The following SLC2A9 variants were observed in gnomAD, a reference collection of about 807,000 sequenced individuals.
The protein encoded by SLC2A9 is solute carrier family 2, facilitated glucose transporter member 9.
Under a neutral mutation model 50.6 loss-of-function variants are expected in SLC2A9, and 39 were observed. The observed-to-expected ratio is 0.77, with a 90% CI of 0.60 to 1.01. The LOEUF (loss-of-function observed/expected upper bound fraction) is 1.01. Among genes scored for constraint, SLC2A9 ranks in the 50% least tolerant of loss-of-function variants. The probability of loss-of-function intolerance (pLI) is 0.00; values close to 1 mark genes in which losing one functional copy is unlikely to be tolerated. For synonymous variants in SLC2A9, 324 were observed against 276.9 expected, an observed-to-expected ratio of 1.17 and a Z score of -1.69; for missense variants, 686 against 677.6, an observed-to-expected ratio of 1.01 and a Z score of -0.14.
rs146224130 is a variant in SLC2A9 at position 9,928,925 on chromosome 4, T to C, written c.815-8353A>G. 2.6e-3 allele frequency among the ~76,000 whole-genome samples: 395 copies of C among 152,338 alleles called. 6 individuals are homozygous for C. The highest frequency in any genetic ancestry group is 9.3e-3 in the African/African-American group (386 of 41,584). On this transcript the variant is annotated intron_variant, in intron 6 of 11. Coordinates refer to ENST00000264784, the MANE Select transcript of SLC2A9 (RefSeq NM_020041.3). ...TCTTACTACTCAGCAAGGACAGTGG[T>C]TGATACTAAGGAAGATGGAAATTCA...
At chr4:9,991,705 G>A (rs1362328973) in intron 3 of SLC2A9, among the ~76,000 whole-genome samples, 1 of 152,206 alleles carries the variant, frequency 6.6e-6, no homozygotes, top group African/African-American at 2.4e-5. Flanking sequence ...GGGATGATTG[G>A]TGTCCTTGTA....
chr4:9,835,494 G>A (rs1446937010), intron 10 of SLC2A9, among the ~76,000 whole-genome samples: 1 of 152,204 alleles, frequency 6.6e-6, no homozygotes, highest in African/African-American at 2.4e-5. Flanking sequence ...AAGACAGAGT[G>A]GGTAATGGAT....
chr4:9,989,730 T>C (rs1316284295), intron 3 of SLC2A9, among the ~76,000 whole-genome samples: 1 of 151,712 alleles, frequency 6.6e-6, no homozygotes, highest in Non-Finnish European at 1.5e-5. Flanking sequence ...AGAGGAAGAG[T>C]CTCAACCCTC....
intron 3 of SLC2A9, among the ~76,000 whole-genome samples, chr4:9,813,647 G>A (rs948455206): frequency 6.6e-6 from 1 of 152,176 alleles, no homozygotes; most frequent in Non-Finnish European, 1.5e-5. Flanking sequence ...TGGGAGATGT[G>A]CAAGTGAAAA....
downstream of SLC2A9, among the ~76,000 whole-genome samples, chr4:9,776,072 G>A (rs1353812044): frequency 6.6e-6 from 1 of 152,100 alleles, no homozygotes; most frequent in East Asian, 1.9e-4. Flanking sequence ...GGGAACCCGA[G>A]GGAAGGGATC....
intron 5 of SLC2A9, among the ~76,000 whole-genome samples, chr4:9,957,686 A>T (rs996346076): frequency 1.2e-4 from 19 of 152,212 alleles, no homozygotes; most frequent in Non-Finnish European, 2.5e-4. Context: ...AATTAAAAAT[A>T]TGATAAAATA....
chr4:10,010,060 A>G (rs953942064), intron 2 of SLC2A9, among the ~76,000 whole-genome samples: 1 of 152,228 alleles, frequency 6.6e-6, no homozygotes, highest in African/African-American at 2.4e-5. Context: ...GCCATGCAAG[A>G]AAGACCAGCC....
chr4:9,867,301 G>C (rs1484800933), intron 10 of SLC2A9, among the ~76,000 whole-genome samples: 1 of 152,178 alleles, frequency 6.6e-6, no homozygotes, highest in African/African-American at 2.4e-5. Flanking sequence ...TTCAAGGCCT[G>C]GTTCCGCTCC....
chr4:9,912,731 G>GC (rs769077834), intron 7 of SLC2A9, among the ~76,000 whole-genome samples: 71 of 152,292 alleles, frequency 4.7e-4, no homozygotes, highest in Non-Finnish European at 9.0e-4. Flanking sequence ...CAGAACAACA[G>GC]CCCCCCGCTC....
At chr4:9,798,538 AT>A (rs1381692547), downstream of SLC2A9, 11 of 150,188 alleles carry the variant, frequency 7.3e-5, no homozygotes, top group Non-Finnish European at 1.6e-4. Context: ...CAATCCATCC[AT>A]TTTATTTAAT....
intron 3 of SLC2A9, chr4:9,782,589 C>G (rs1404987636): frequency 4.3e-6 from 7 of 1,613,972 alleles, no homozygotes; most frequent in Non-Finnish European, 5.1e-6. Flanking sequence ...CAGGCGGCCT[C>G]TTGGGGCGGG....
At chr4:9,956,388 G>C in intron 5 of SLC2A9, among the ~76,000 whole-genome samples, 1 of 152,026 alleles carries the variant, frequency 6.6e-6, no homozygotes, top group Non-Finnish European at 1.5e-5. Context: ...GCTGAGGCAG[G>C]AGAATGGCGT....
chr4:9,873,534 A>G (rs1733791579), intron 10 of SLC2A9, among the ~76,000 whole-genome samples: 1 of 152,148 alleles, frequency 6.6e-6, no homozygotes, highest in Non-Finnish European at 1.5e-5. Flanking sequence ...AGTTTTGCAC[A>G]CTTCCCCTTC....
At position 9,980,648 on chromosome 4, in the gene SLC2A9, T is replaced by A. The variant is rs754348575; in HGVS notation, c.625A>T (p.Ile209Phe). ...GSLGQVTAIF[I>F]CIGVFTGQLL... ...TGCCCAGTGAACACGCCAATGCAGA[T>A]AAAGATGGCAGTCACCTGCCCCAGA... is the stretch of plus-strand genomic sequence containing the variant. Residue 209 changes from isoleucine to phenylalanine, a missense_variant, in exon 5 of 12, where the codon ATC (isoleucine) becomes TTC (phenylalanine). Physicochemically the swap from Ile to Phe is conservative, Grantham distance 21. Transcript: ENST00000264784. 9 of 1,614,002 alleles carry A rather than the reference T, an allele frequency of 5.6e-6. No individual in the cohort carries two copies. The South Asian group carries it at 9.9e-5, about 18-fold the overall frequency.
At chr4:9,973,572 G>T (rs1267214076) in intron 5 of SLC2A9, among the ~76,000 whole-genome samples, 3 of 152,048 alleles carry the variant, frequency 2.0e-5, no homozygotes, top group African/African-American at 7.3e-5. Flanking sequence ...GGACATGGAT[G>T]AAGCTGGAAG....
intron 10 of SLC2A9, among the ~76,000 whole-genome samples, chr4:9,886,425 TGTGTGTGTG>T (rs1736246338): frequency 0.019 from 18 of 956 alleles, no homozygotes; most frequent in African/African-American, 0.07. Context: ...CTCATAGCAC[TGTGTGTGTG>T]TGTGTGTGTG....
intron 6 of SLC2A9, among the ~76,000 whole-genome samples, chr4:9,921,959 G>A (rs530251373): frequency 2.6e-5 from 4 of 151,856 alleles, no homozygotes; most frequent in Non-Finnish European, 2.9e-5. Flanking sequence ...CTGCCAGGAA[G>A]CTCTCAGACA....
At chr4:9,780,501 C>T (rs190192544) in intron 3 of SLC2A9, among the ~76,000 whole-genome samples, 1 of 152,244 alleles carries the variant, frequency 6.6e-6, no homozygotes, top group East Asian at 1.9e-4. Flanking sequence ...AGGTGGGCCA[C>T]TTGCAGATGT....
At position 9,992,657 on chromosome 4, in the gene SLC2A9, G is replaced by A. The variant is rs552320460; in HGVS notation, c.410+4124C>T. ...CCATGGGAGAGATTGCCTGACAATG[G>A]AGCCAACACAAAGCAAGGTGAGCTG... is the stretch of plus-strand genomic sequence containing the variant. On this transcript the variant is annotated intron_variant, in intron 3 of 11. Coordinates refer to ENST00000264784, the MANE Select transcript of SLC2A9 (RefSeq NM_020041.3). Among the ~76,000 whole-genome samples the A allele has an allele frequency of 2.0e-5, 3 of 152,294 alleles. No individual in the cohort carries two copies. In the East Asian group the frequency reaches 5.8e-4, roughly 29 times the overall value.
Sources: allele counts gnomAD v4.1 joint callset (sites outside exome capture counted in the v4.1 genomes callset), GRCh38; gene constraint gnomAD v4.1.1; transcripts MANE v1.5; gene names NCBI Gene and HGNC (gene_info 2026-07-23, HGNC 2026-07-21).